Variants in SOWAHB observed in about 807,000 individuals in gnomAD.
SOWAHB encodes the protein ankyrin repeat domain-containing protein SOWAHB.
A neutral mutation model predicts 18.3 loss-of-function variants in SOWAHB; 17 were observed. The ratio of observed to expected loss-of-function variants is 0.93; its 90% CI spans 0.64 to 1.40. The LOEUF is 1.40. Ranked by LOEUF, SOWAHB falls within the 40% of genes most tolerant of loss-of-function variation. The pLI is 0.00. For synonymous variants in SOWAHB, 496 were observed against 448.1 expected, an observed-to-expected ratio of 1.11 and a Z score of -1.35; for missense variants, 1,126 against 1,033.7, an observed-to-expected ratio of 1.09 and a Z score of -1.22.
Position 76,894,281 on chromosome 4 carries a change from C to T in SOWAHB, c.*1187G>A, listed in dbSNP as rs1719859504. 6.6e-6 allele frequency among the ~76,000 whole-genome samples: 1 copy of T among 152,072 alleles called. No individual in the cohort carries two copies. Among genetic ancestry groups the T allele is most frequent in the African/African-American group, 2.4e-5 (1 of 41,412 alleles). On this transcript the variant is annotated 3_prime_UTR_variant, in exon 1 of 1. Transcript: ENST00000334306. ...ATTCCCATAAAAAATTAACAATTTC[C>T]ACTTGAACATGTATTTCAGCCCTCT... is the stretch of plus-strand genomic sequence containing the variant.
In SOWAHB at chr4:76,896,305, G is replaced by T; in HGVS notation, c.1545C>A (p.Leu515=). The T allele has an allele frequency of 6.2e-7, 1 of 1,608,662 alleles. No individual in the cohort carries two copies. The highest frequency in any genetic ancestry group is 8.5e-7 in the Non-Finnish European group (1 of 1,176,412). ...GACTTCTTTTCAGCAAGCCCTCATC[G>T]AGGTACTCCTCATCAGAGGAGGACA... ...AKLSSSDEEY[L]DEGLLKRSRR... Residue 515 remains leucine, a synonymous_variant, in exon 1 of 1, where the codon CTC becomes CTA. Transcript: ENST00000334306.
Position 76,897,970 on chromosome 4 carries a change from A to T in SOWAHB, c.-121T>A. ...GCCCGGGGCGGCACTAGCCGCCCCC[A>T]TCAGCCGCGGAGGCCAGCGCTGCCC... On this transcript the variant is annotated 5_prime_UTR_variant, in exon 1 of 1. The change abolishes an upstream ATG in the 5' untranslated region. Transcript: ENST00000334306. This position sits in a 1 kb window ranked among gnomAD's most constrained non-coding sequence, Gnocchi z 6.4. 1.8e-6 allele frequency: 2 copies of T among 1,095,714 alleles called. No individual in the cohort carries two copies. The highest frequency in any genetic ancestry group is 2.5e-6 in the Non-Finnish European group (2 of 790,634). 67.9% of individuals were successfully genotyped at this position (1,095,714 alleles called of 1,614,324 possible). A position where few individuals can be genotyped will look rare whatever the true frequency, so the allele number is the denominator to read the frequency against.
At position 76,895,429 on chromosome 4, in the gene SOWAHB, G is replaced by A. The variant is rs1310032255; in HGVS notation, c.*39C>T. On this transcript the variant is annotated 3_prime_UTR_variant, in exon 1 of 1. Coordinates refer to ENST00000334306, the MANE Select transcript of SOWAHB (RefSeq NM_001029870.3). Reference sequence around the variant, plus strand: ...CCTGAATTCTCTCACTGAGCAGGATGAGGGAGTGCTGCCTGCATGTTGGAC... The same window carrying A: ...CCTGAATTCTCTCACTGAGCAGGATAAGGGAGTGCTGCCTGCATGTTGGAC... The A allele has an allele frequency of 1.3e-6, 2 of 1,529,346 alleles. No homozygotes were observed. The highest frequency in any genetic ancestry group is 2.3e-5 in the East Asian group (1 of 44,266). 94.7% of individuals were successfully genotyped at this position (1,529,346 alleles called of 1,614,324 possible). A position where few individuals can be genotyped will look rare whatever the true frequency, so the allele number is the denominator to read the frequency against.
At position 76,897,019 on chromosome 4, in the gene SOWAHB, G is replaced by A. The variant is rs754710165; in HGVS notation, c.831C>T (p.Pro277=). 5 of 1,556,822 alleles carry A rather than the reference G, an allele frequency of 3.2e-6. No individual in the cohort carries two copies. In the South Asian group the frequency reaches 3.5e-5, roughly 11 times the overall value. ...TSRASPPALL[P]GPAPRGDRPE... is the part of the protein sequence containing the mutation. ...GCCGGTCTCCGCGGGGAGCGGGGCCGGGCAGGAGAGCAGGCGGGGAAGCCC... is the reference window on the plus strand; with the variant it reads ...GCCGGTCTCCGCGGGGAGCGGGGCCAGGCAGGAGAGCAGGCGGGGAAGCCC... The change falls in exon 1 of 1, where the codon CCC becomes CCT. Residue 277 remains proline (P), a synonymous_variant. Coordinates refer to ENST00000334306, the MANE Select transcript of SOWAHB (RefSeq NM_001029870.3). The surrounding 1 kb of genome is among the most constrained non-coding windows in gnomAD (Gnocchi z 6.4).
Position 76,897,679 on chromosome 4 carries a change from C to A in SOWAHB, c.171G>T (p.Ser57=). 1 of 1,612,248 alleles carries A rather than the reference C, an allele frequency of 6.2e-7. No homozygotes were observed. Among genetic ancestry groups the A allele is most frequent in the Non-Finnish European group, 8.5e-7 (1 of 1,179,904 alleles). ...CGGGGTCCTGGCGCACTGCGGCGAC[C>A]GAGTTGACGAAGCCCTTGAAGAGCT... ...RRELFKGFVN[S]VAAVRQDPDG... is the part of the protein sequence containing the mutation. Residue 57 remains serine (S), a synonymous_variant, in exon 1 of 1, where the codon TCG becomes TCT. Transcript: ENST00000334306. The surrounding 1 kb of genome is among the most constrained non-coding windows in gnomAD (Gnocchi z 6.4).
chr4:76,896,435 G>T lies in SOWAHB; in HGVS notation c.1415C>A (p.Ala472Glu). The stretch of plus-strand genomic sequence containing the variant: ...GTGGCCTGCAAGGCCATTAGCCCCT[G>T]CAGGGACCTGCTGAGAGATGTGACC... ...GDGHISQQVPAGANGLAGHPL... is the reference protein window; with the variant it reads ...GDGHISQQVPEGANGLAGHPL... Residue 472 changes from alanine (A) to glutamate (E), a missense_variant, in exon 1 of 1, where the codon GCA becomes GAA. By Grantham distance (107) the Ala-to-Glu change is moderately radical. Transcript: ENST00000334306. 1 of 1,611,352 alleles carries T rather than the reference G, an allele frequency of 6.2e-7. No individual in the cohort carries two copies. Among genetic ancestry groups the T allele is most frequent in the South Asian group, 1.1e-5 (1 of 90,890 alleles).
Position 76,895,466 on chromosome 4 carries a change from C to T in SOWAHB, c.*2G>A, listed in dbSNP as rs1488670903. Reference sequence around the variant, plus strand: ...CCTGCATGTTGGACAGAGAGACCCACCTCAGTCACTATACTCTTCTCTTTC... The same window carrying T: ...CCTGCATGTTGGACAGAGAGACCCATCTCAGTCACTATACTCTTCTCTTTC... On this transcript the variant is annotated 3_prime_UTR_variant, in exon 1 of 1. Transcript: ENST00000334306. 3.8e-6 allele frequency: 6 copies of T among 1,583,610 alleles called. No homozygotes were observed. Among genetic ancestry groups the T allele is most frequent in the South Asian group, 2.4e-5 (2 of 84,824 alleles).
Position 76,897,067 on chromosome 4 carries a change from G to A in SOWAHB, c.783C>T (p.Ala261=). The A allele has an allele frequency of 6.5e-7, 1 of 1,538,722 alleles. No individual in the cohort carries two copies. ...CCCTGCTTGTCGCAGCCTCGACGGT[G>A]GCGGGAGGCGAGTGAGCCACTGCAG... is the stretch of plus-strand genomic sequence containing the variant. ...PVPAVAHSPP[A]TVEAATSRAS... Residue 261 remains alanine, a synonymous_variant, in exon 1 of 1, where the codon GCC becomes GCT. Coordinates refer to ENST00000334306, the MANE Select transcript of SOWAHB (RefSeq NM_001029870.3). This position sits in a 1 kb window ranked among gnomAD's most constrained non-coding sequence, Gnocchi z 6.4.
rs1719874563 is a variant in SOWAHB at position 76,894,931 on chromosome 4, CAGT to C, written c.*534_*536del. 6.6e-6 allele frequency: 1 copy of C among 152,382 alleles called. No individual in the cohort carries two copies. The highest frequency in any genetic ancestry group is 1.5e-5 in the Non-Finnish European group (1 of 68,250). 9.4% of individuals were successfully genotyped at this position (152,382 alleles called of 1,614,324 possible). On this transcript the variant is annotated 3_prime_UTR_variant, in exon 1 of 1. Coordinates refer to ENST00000334306, the MANE Select transcript of SOWAHB (RefSeq NM_001029870.3). ...ATCTCTTAAATCGAACTGTGCTCTC[CAGT>C]AATAATTTTATTTCACTGATTTAAA...
chr4:76,897,163 C>T lies in SOWAHB; in HGVS notation c.687G>A (p.Leu229=), dbSNP rs1719943023. The T allele has an allele frequency of 3.2e-6, 5 of 1,562,522 alleles. No individual in the cohort carries two copies. The highest frequency in any genetic ancestry group is 2.3e-5 in the South Asian group (2 of 86,002). Residue 229 remains leucine (L), a synonymous_variant, in exon 1 of 1, where the codon CTG becomes CTA. Coordinates refer to ENST00000334306, the MANE Select transcript of SOWAHB (RefSeq NM_001029870.3). This position sits in a 1 kb window ranked among gnomAD's most constrained non-coding sequence, Gnocchi z 6.4. The part of the protein sequence containing the change: ...ATAEEKPARA[L]PAQDDRGASR... ...AAGCCCCGCGGTCATCCTGGGCAGG[C>T]AGAGCCCGTGCCGGCTTCTCCTCCG...
chr4:76,897,521 G>A lies in SOWAHB; in HGVS notation c.329C>T (p.Ala110Val). Residue 110 changes from alanine (A) to valine (V), a missense_variant, in exon 1 of 1, where the codon GCG becomes GTG. Coordinates refer to ENST00000334306, the MANE Select transcript of SOWAHB (RefSeq NM_001029870.3). The surrounding 1 kb of genome is among the most constrained non-coding windows in gnomAD (Gnocchi z 6.4). ...GGAAPCSPRG[A>V]RRGEPPQQQP... Reference sequence around the variant, plus strand: ...CTGCTGGGGCGGCTCCCCCCGGCGCGCGCCTCGCGGGGAGCAGGGCGCAGC... The same window carrying A: ...CTGCTGGGGCGGCTCCCCCCGGCGCACGCCTCGCGGGGAGCAGGGCGCAGC... The A allele has an allele frequency of 1.4e-6, 2 of 1,416,204 alleles. No individual in the cohort carries two copies. Among genetic ancestry groups the A allele is most frequent in the Non-Finnish European group, 1.8e-6 (2 of 1,096,696 alleles). The allele number at this position is 1,416,204 out of a possible 1,614,324, so 87.7% of individuals were successfully genotyped here.
Position 76,897,081 on chromosome 4 carries a change from G to T in SOWAHB, c.769C>A (p.His257Asn), listed in dbSNP as rs1719939192. The T allele has an allele frequency of 6.5e-7, 1 of 1,537,858 alleles. No homozygotes were observed. The highest frequency in any genetic ancestry group is 2.4e-5 in the East Asian group (1 of 41,156). The change falls in exon 1 of 1, where the codon CAC becomes AAC. Residue 257 changes from histidine to asparagine, a missense_variant. Transcript: ENST00000334306. This position sits in a 1 kb window ranked among gnomAD's most constrained non-coding sequence, Gnocchi z 6.4. ...GCCTCGACGGTGGCGGGAGGCGAGT[G>T]AGCCACTGCAGGCACAGGCGCCGGC... is the stretch of plus-strand genomic sequence containing the variant. ...AEPAPVPAVA[H>N]SPPATVEAAT...
Position 76,896,717 on chromosome 4 carries a change from G to C in SOWAHB, c.1133C>G (p.Ser378Ter). 1 of 1,613,990 alleles carries C rather than the reference G, an allele frequency of 6.2e-7. No individual in the cohort carries two copies. The change falls in exon 1 of 1, where the codon TCA (serine) becomes TGA (stop). Residue 378 changes from serine (S) to a stop codon, truncating the protein, a stop_gained. Coordinates refer to ENST00000334306, the MANE Select transcript of SOWAHB (RefSeq NM_001029870.3). LOFTEE classifies it low-confidence loss of function (END_TRUNC). Reference sequence around the variant, plus strand: ...ACGAATGCTGCGAAAGACAGTCAATGAAGGGTTCCCCGCCCAGGATTCCCA... The same window carrying C: ...ACGAATGCTGCGAAAGACAGTCAATCAAGGGTTCCCCGCCCAGGATTCCCA... ...ESWESWAGNP[S>*]LTVFRSIRCQ...
At position 76,896,353 on chromosome 4, in the gene SOWAHB, G is replaced by A; in HGVS notation, c.1497C>T (p.Ser499=). ...ACAATTTGGCTCTCCCTGCCAGAGA[G>A]CTCCTCCTGAGGGACCTCCTTAACT... ...VPKLRRSLRR[S]SLAGRAKLSS... Residue 499 remains serine, a synonymous_variant, in exon 1 of 1, where the codon AGC becomes AGT. Transcript: ENST00000334306. The A allele has an allele frequency of 1.2e-6, 2 of 1,601,536 alleles. No homozygotes were observed. Among genetic ancestry groups the A allele is most frequent in the South Asian group, 2.2e-5 (2 of 90,396 alleles).
At position 76,895,401 on chromosome 4, in the gene SOWAHB, C is replaced by G; in HGVS notation, c.*67G>C. ...ACCAACTCTCAGCAGCTTTTCTATTCCCCCTGAATTCTCTCACTGAGCAGG... is the reference window on the plus strand; with the variant it reads ...ACCAACTCTCAGCAGCTTTTCTATTGCCCCTGAATTCTCTCACTGAGCAGG... On this transcript the variant is annotated 3_prime_UTR_variant, in exon 1 of 1. Coordinates refer to ENST00000334306, the MANE Select transcript of SOWAHB (RefSeq NM_001029870.3). 6.9e-7 allele frequency: 1 copy of G among 1,441,388 alleles called. No homozygotes were observed. Among genetic ancestry groups the G allele is most frequent in the Non-Finnish European group, 9.4e-7 (1 of 1,064,348 alleles). The allele number at this position is 1,441,388 out of a possible 1,614,324, so 89.3% of individuals were successfully genotyped here.
rs1719936263 is a variant in SOWAHB, at chr4:76,897,027, G to A, written c.823C>T (p.Leu275Phe). Residue 275 changes from leucine (L) to phenylalanine (F), a missense_variant, in exon 1 of 1, where the codon CTC becomes TTC. Physicochemically the swap from Leu to Phe is conservative, Grantham distance 22. Transcript: ENST00000334306. The surrounding 1 kb of genome is among the most constrained non-coding windows in gnomAD (Gnocchi z 6.4). ...AATSRASPPALLPGPAPRGDR... is the reference protein window; with the variant it reads ...AATSRASPPAFLPGPAPRGDR... ...CCGCGGGGAGCGGGGCCGGGCAGGA[G>A]AGCAGGCGGGGAAGCCCTGCTTGTC... 1.3e-6 allele frequency: 2 copies of A among 1,551,856 alleles called. No individual in the cohort carries two copies. The highest frequency in any genetic ancestry group is 2.3e-5 in the South Asian group (2 of 85,890).
rs765309276 is a variant in SOWAHB at position 76,897,568 on chromosome 4, C to T, written c.282G>A (p.Ala94=). Residue 94 remains alanine, a synonymous_variant, in exon 1 of 1, where the codon GCG becomes GCA. Coordinates refer to ENST00000334306, the MANE Select transcript of SOWAHB (RefSeq NM_001029870.3). The surrounding 1 kb of genome is among the most constrained non-coding windows in gnomAD (Gnocchi z 6.4). ...CAGCTCCCCCTGCACTGGGGGCGGCCGCGGGCGGCTCGCGGGGTCGCTGCA... is the reference window on the plus strand; with the variant it reads ...CAGCTCCCCCTGCACTGGGGGCGGCTGCGGGCGGCTCGCGGGGTCGCTGCA... ...EGLQRPREPP[A]AAPSAGGAAP... The T allele has an allele frequency of 1.5e-5, 24 of 1,594,480 alleles. No homozygotes were observed. The highest frequency in any genetic ancestry group is 2.3e-5 in the East Asian group (1 of 44,200).
rs1193407532 is a variant in SOWAHB, at chr4:76,897,410, C to T, written c.440G>A (p.Gly147Glu). The T allele has an allele frequency of 6.6e-7, 1 of 1,520,268 alleles. No individual in the cohort carries two copies. Among genetic ancestry groups the T allele is most frequent in the Middle Eastern group, 2.1e-4 (1 of 4,690 alleles). 94.2% of individuals were successfully genotyped at this position (1,520,268 alleles called of 1,614,324 possible). The change falls in exon 1 of 1, where the codon GGA becomes GAA. Residue 147 changes from glycine (G) to glutamate (E), a missense_variant. Physicochemically the swap from Gly to Glu is moderately conservative, Grantham distance 98 (BLOSUM62 -2). Coordinates refer to ENST00000334306, the MANE Select transcript of SOWAHB (RefSeq NM_001029870.3). This position sits in a 1 kb window ranked among gnomAD's most constrained non-coding sequence, Gnocchi z 6.4. ...AARAADAACNGLPGSDSRRAP... is the reference protein window; with the variant it reads ...AARAADAACNELPGSDSRRAP... ...CCTACGGGAGTCGCTGCCCGGGAGT[C>T]CATTGCAAGCTGCGTCGGCGGCTCT...
In SOWAHB at chr4:76,896,285, C is replaced by G. The variant is rs1719910130; in HGVS notation, c.1565G>C (p.Arg522Thr). The G allele has an allele frequency of 1.2e-6, 2 of 1,608,190 alleles. No individual in the cohort carries two copies. Among genetic ancestry groups the G allele is most frequent in the South Asian group, 2.2e-5 (2 of 90,836 alleles). ...CCTGGATCGAGGTGGGCGCCGACTTCTTTTCAGCAAGCCCTCATCGAGGTA... is the reference window on the plus strand; with the variant it reads ...CCTGGATCGAGGTGGGCGCCGACTTGTTTTCAGCAAGCCCTCATCGAGGTA... ...EEYLDEGLLK[R>T]SRRPPRSRKP... The change falls in exon 1 of 1, where the codon AGA (arginine) becomes ACA (threonine). Residue 522 changes from arginine (R) to threonine (T), a missense_variant. Physicochemically the swap from Arg to Thr is moderately conservative, Grantham distance 71. Coordinates refer to ENST00000334306, the MANE Select transcript of SOWAHB (RefSeq NM_001029870.3).
Sources: gnomAD v4.1 joint callset for allele counts (sites outside exome capture counted in the v4.1 genomes callset) on GRCh38, gnomAD v4.1.1 for gene constraint, Gnocchi (gnomAD v3.1) non-coding constraint, MANE v1.5 for transcripts, NCBI Gene and HGNC (gene_info 2026-07-23, HGNC 2026-07-21) for gene names.